PAQR5: variants seen among roughly 807,000 people sequenced by gnomAD.
The protein encoded by PAQR5 is progestin and adipoQ receptor family member 5.
PAQR5 carries 20 observed loss-of-function variants against 34.5 expected under a neutral mutation model. The ratio of observed to expected loss-of-function variants is 0.58; its 90% CI spans 0.41 to 0.84. PAQR5 has a LOEUF of 0.84. Ranked by LOEUF, PAQR5 falls within the 40% of genes least tolerant of loss-of-function variation. The pLI, the probability that PAQR5 is intolerant of heterozygous loss-of-function variation, is 0.00. For synonymous variants in PAQR5, 131 were observed against 155.6 expected (o/e 0.84, Z 1.18); for missense variants, 378 against 412.7 (o/e 0.92, Z 0.73).
Position 69,403,583 on chromosome 15 carries a change from C to T in PAQR5, c.754C>T (p.His252Tyr), listed in dbSNP as rs376351885. ...ACGGCCTTTTGTGTTTGCCATAGGTCACAGTCACCAGCTGTTTCACGTGTG... is the reference window on the plus strand; with the variant it reads ...ACGGCCTTTTGTGTTTGCCATAGGTTACAGTCACCAGCTGTTTCACGTGTG... ...LAPGRFDYIG[H>Y]SHQLFHVCVI... Residue 252 changes from histidine (H) to tyrosine (Y), a missense_variant and splice_region_variant, in exon 9 of 9, where the codon CAC becomes TAC. His to Tyr is a moderately conservative substitution (Grantham distance 83). Transcript: ENST00000395407. The T allele has an allele frequency of 1.3e-5, 21 of 1,613,764 alleles. No homozygotes were observed. The highest frequency in any genetic ancestry group is 1.8e-5 in the Non-Finnish European group (21 of 1,179,846).
chr15:69,303,388 A>G (rs1277362863), intron 1 of PAQR5, among the ~76,000 whole-genome samples: 1 of 152,094 alleles, frequency 6.6e-6, no homozygotes, highest in African/African-American at 2.4e-5. Context: ...GACAGCCGCC[A>G]CATGAGGCGA....
chr15:69,311,586 G>A (rs568902729), intron 1 of PAQR5, among the ~76,000 whole-genome samples: 15 of 151,976 alleles, frequency 9.9e-5, no homozygotes, highest in South Asian at 2.1e-4. Flanking sequence ...GCCCTTAGTC[G>A]CCCAGGCTGA....
intron 3 of PAQR5, among the ~76,000 whole-genome samples, chr15:69,361,361 A>G (rs1017698150): frequency 2.2e-4 from 33 of 152,212 alleles, no homozygotes; most frequent in African/African-American, 8.0e-4. Flanking sequence ...AGATTTTTAA[A>G]TGTGCATGAG....
At chr15:69,355,201 A>G (rs2055024137) in intron 2 of PAQR5, among the ~76,000 whole-genome samples, 1 of 151,816 alleles carries the variant, frequency 6.6e-6, no homozygotes, top group Admixed American at 6.6e-5. Flanking sequence ...CTGTTTATCT[A>G]CCTACCTATC....
intron 1 of PAQR5, among the ~76,000 whole-genome samples, chr15:69,334,093 T>C (rs765014473): frequency 6.6e-6 from 1 of 152,156 alleles, no homozygotes; most frequent in Non-Finnish European, 1.5e-5. Flanking sequence ...AGTGGCGCAG[T>C]CTTGGCTCAC....
chr15:69,340,002 G>A (rs1195874607), intron 2 of PAQR5, among the ~76,000 whole-genome samples: 1 of 152,172 alleles, frequency 6.6e-6, no homozygotes, highest in Non-Finnish European at 1.5e-5. Context: ...GAGTAGCTGG[G>A]ATTACAGGCA....
chr15:69,342,351 C>T (rs1180348814), intron 2 of PAQR5, among the ~76,000 whole-genome samples: 1 of 151,664 alleles, frequency 6.6e-6, no homozygotes, highest in Non-Finnish European at 1.5e-5. Context: ...GGAAAAATAT[C>T]TATTCAAGCC....
chr15:69,355,298 TTC>T (rs1230863581), intron 2 of PAQR5, among the ~76,000 whole-genome samples: 13 of 68,430 alleles, frequency 1.9e-4, no homozygotes, highest in Non-Finnish European at 3.1e-4. Flanking sequence ...TTTTCTTTCT[TTC>T]TTTCTTTCTT....
intron 1 of PAQR5, among the ~76,000 whole-genome samples, chr15:69,302,815 C>A (rs754753628): frequency 1.3e-5 from 2 of 152,186 alleles, no homozygotes; most frequent in South Asian, 2.1e-4. Flanking sequence ...CCTGTACTCA[C>A]GCATGGCCCT....
At chr15:69,360,920 T>C (rs988293443) in intron 3 of PAQR5, among the ~76,000 whole-genome samples, 3 of 152,122 alleles carry the variant, frequency 2.0e-5, no homozygotes, top group Admixed American at 1.3e-4. Flanking sequence ...GAAAAATAAG[T>C]TTGAAATAAA....
At chr15:69,389,591 TGCAAG>T (rs2056199831) in intron 5 of PAQR5, 58 bp from the exon 6 acceptor site, 4 of 1,605,710 alleles carry the variant, frequency 2.5e-6, no homozygotes, top group Admixed American at 1.7e-5. Flanking sequence ...GGACAGTCTT[TGCAAG>T]GGGCCCATGT....
At chr15:69,319,113 G>A (rs992937106) in intron 1 of PAQR5, among the ~76,000 whole-genome samples, 13 of 148,766 alleles carry the variant, frequency 8.7e-5, no homozygotes, top group African/African-American at 2.7e-4. Context: ...CAGCCTGGGC[G>A]ACAGAGCGAG....
At chr15:69,300,155 C>T (rs75040618) in intron 1 of PAQR5, among the ~76,000 whole-genome samples, 1 of 152,044 alleles carries the variant, frequency 6.6e-6, no homozygotes. Flanking sequence ...TCCCCACCCC[C>T]CTAGGTTCTG....
At chr15:69,365,854 G>A in intron 3 of PAQR5, among the ~76,000 whole-genome samples, 1 of 152,180 alleles carries the variant, frequency 6.6e-6, no homozygotes, top group East Asian at 1.9e-4. Context: ...TTCCCTTTTA[G>A]TCTACGTGAA....
In PAQR5 at chr15:69,385,470, G is replaced by A. The variant is rs183819465; in HGVS notation, c.385+588G>A. Among the ~76,000 whole-genome samples the A allele has an allele frequency of 6.6e-6, 1 of 152,122 alleles. No individual in the cohort carries two copies. The highest frequency in any genetic ancestry group is 1.5e-5 in the Non-Finnish European group (1 of 68,028). ...AGAGGCTTAGCACAATCAGAGAGAT[G>A]CTCAGAGTGTGCGGGAATAGATCAG... On this transcript the variant is annotated intron_variant, in intron 5 of 8. Transcript: ENST00000395407. The surrounding 1 kb of genome is among the most constrained non-coding windows in gnomAD (Gnocchi z 4.7).
At chr15:69,341,268 C>A (rs2054634583) in intron 2 of PAQR5, among the ~76,000 whole-genome samples, 1 of 145,050 alleles carries the variant, frequency 6.9e-6, no homozygotes, top group Non-Finnish European at 1.5e-5. Flanking sequence ...TGGAATCATA[C>A]AATATTTGTC....
At chr15:69,307,772 G>C (rs1428003616) in intron 1 of PAQR5, among the ~76,000 whole-genome samples, 1 of 152,134 alleles carries the variant, frequency 6.6e-6, no homozygotes, top group Non-Finnish European at 1.5e-5. Flanking sequence ...GACCAAGTGA[G>C]AGAAAGCTGG....
intron 5 of PAQR5, among the ~76,000 whole-genome samples, chr15:69,388,137 C>T (rs559216945): frequency 6.6e-6 from 1 of 152,332 alleles, no homozygotes; most frequent in African/African-American, 2.4e-5. Context: ...CCCTGCCTCC[C>T]TCCTCCCTCC....
chr15:69,326,338 C>T (rs1193309835), intron 1 of PAQR5, among the ~76,000 whole-genome samples: 3 of 152,168 alleles, frequency 2.0e-5, no homozygotes, highest in Admixed American at 6.5e-5. Context: ...TGGGCTGCAT[C>T]CCGTTCTTTC....
Sources: allele counts gnomAD v4.1 joint callset (sites outside exome capture counted in the v4.1 genomes callset), GRCh38; gene constraint gnomAD v4.1.1; non-coding constraint Gnocchi (gnomAD v3.1); transcripts MANE v1.5; gene names NCBI Gene and HGNC (gene_info 2026-07-23, HGNC 2026-07-21).